The following SUPT3H variants were observed in gnomAD, a reference collection of about 807,000 sequenced individuals.
The protein encoded by SUPT3H is transcription initiation protein SPT3 homolog.
Under a neutral mutation model 44.3 loss-of-function variants are expected in SUPT3H, and 44 were observed. The observed-to-expected ratio is 0.99, with a 90% CI of 0.78 to 1.28. The LOEUF is 1.28. SUPT3H is among the 50% of genes most tolerant of loss of function. The probability of loss-of-function intolerance (pLI) is 0.00; values close to 1 mark genes in which losing one functional copy is unlikely to be tolerated. For synonymous variants in SUPT3H, 124 were observed against 125.6 expected (o/e 0.99, Z 0.09); for missense variants, 380 against 387.1 (o/e 0.98, Z 0.15).
chr6:45,344,942 A>G (rs1184525593), intron 2 of SUPT3H, among the ~76,000 whole-genome samples: 1 of 152,140 alleles, frequency 6.6e-6, no homozygotes, highest in Non-Finnish European at 1.5e-5. Context: ...GCCATGGACT[A>G]TGCTCTGAAG....
chr6:45,114,486 T>C (rs1264882428), intron 2 of SUPT3H, among the ~76,000 whole-genome samples: 4 of 152,022 alleles, frequency 2.6e-5, no homozygotes, highest in Admixed American at 1.3e-4. Flanking sequence ...ATAGAAAAAA[T>C]ATATAAATCA....
intron 2 of SUPT3H, among the ~76,000 whole-genome samples, chr6:45,141,356 A>AG (rs1805164287): frequency 1.3e-5 from 2 of 150,184 alleles, no homozygotes; most frequent in Non-Finnish European, 3.0e-5. Context: ...AAAAAAAAAA[A>AG]AAAAAAAGAA....
chr6:44,975,197 G>A (rs1224798722), intron 6 of SUPT3H, among the ~76,000 whole-genome samples: 1 of 64,228 alleles, frequency 1.6e-5, no homozygotes, highest in Non-Finnish European at 3.5e-5. Context: ...AAACAAAAAA[G>A]ACGACCAGTT....
intron 10 of SUPT3H, among the ~76,000 whole-genome samples, chr6:44,919,420 T>C (rs1312103994): frequency 6.6e-6 from 1 of 151,956 alleles, no homozygotes. Flanking sequence ...TCTGGTCGTA[T>C]ATACAAACCC....
chr6:45,018,267 A>G (rs1784601197), intron 4 of SUPT3H, among the ~76,000 whole-genome samples: 1 of 152,168 alleles, frequency 6.6e-6, no homozygotes, highest in South Asian at 2.1e-4. Context: ...GGGGTTTTCT[A>G]GATATATAAT....
chr6:45,028,915 A>G (rs1404145307), intron 3 of SUPT3H, among the ~76,000 whole-genome samples: 1 of 150,708 alleles, frequency 6.6e-6, no homozygotes, highest in African/African-American at 2.4e-5. Context: ...AAAAAAAAAA[A>G]AAAAAAGAAA....
intron 3 of SUPT3H, among the ~76,000 whole-genome samples, chr6:45,079,514 AAACCTAGAAG>A (rs895928796): frequency 7.2e-5 from 11 of 152,026 alleles, no homozygotes; most frequent in African/African-American, 2.7e-4. Flanking sequence ...GGAAGGAAAA[AAACCTAGAAG>A]AACCATGTTA....
intron 10 of SUPT3H, among the ~76,000 whole-genome samples, chr6:44,866,266 G>A (rs1053560568): frequency 2.6e-5 from 4 of 151,916 alleles, no homozygotes; most frequent in Admixed American, 1.3e-4. Flanking sequence ...TTGAGGGGGA[G>A]GTGGCACATG....
chr6:45,132,912 T>C (rs1803695862), intron 2 of SUPT3H, among the ~76,000 whole-genome samples: 1 of 152,168 alleles, frequency 6.6e-6, no homozygotes, highest in Non-Finnish European at 1.5e-5. Flanking sequence ...AGTCACATGA[T>C]TTATCCAACA....
rs142450512 is a variant in SUPT3H, at chr6:45,129,885, TAAATAG to T, written c.102-23885_102-23880del. On this transcript the variant is annotated intron_variant, in intron 2 of 10. Transcript: ENST00000371459. The stretch of plus-strand genomic sequence containing the variant: ...ACTGCAGGAGAAAAATAAGGAGAAA[TAAATAG>T]AAATGAGTCAAAACACACACAAAAA... 5.4e-3 allele frequency among the ~76,000 whole-genome samples: 824 copies of T among 151,632 alleles called. 9 individuals are homozygous for T. The highest frequency in any genetic ancestry group is 0.019 in the African/African-American group (792 of 41,356).
intron 11 of SUPT3H, among the ~76,000 whole-genome samples, chr6:44,814,833 C>T (rs573699344): frequency 1.4e-4 from 22 of 152,028 alleles, no homozygotes; most frequent in Non-Finnish European, 2.5e-4. Flanking sequence ...TGCGTCACCA[C>T]GCCTGGATAA....
At chr6:45,305,962 C>A (rs1584821747) in intron 2 of SUPT3H, among the ~76,000 whole-genome samples, 1 of 152,360 alleles carries the variant, frequency 6.6e-6, no homozygotes, top group East Asian at 1.9e-4. Context: ...CCCACGTCTA[C>A]CTAGGAGCCT....
At chr6:45,349,478 C>A in intron 2 of SUPT3H, among the ~76,000 whole-genome samples, 1 of 152,170 alleles carries the variant, frequency 6.6e-6, no homozygotes, top group East Asian at 1.9e-4. Context: ...ACATCAACAT[C>A]ACCTGGGAAT....
intron 10 of SUPT3H, among the ~76,000 whole-genome samples, chr6:44,930,935 C>T (rs1770487588): frequency 1.3e-5 from 2 of 152,134 alleles, no homozygotes; most frequent in Non-Finnish European, 2.9e-5. Flanking sequence ...CTAATACTAA[C>T]AGTCTTAGAT....
chr6:44,907,748 A>G (rs1407162526), intron 10 of SUPT3H, among the ~76,000 whole-genome samples: 1 of 152,178 alleles, frequency 6.6e-6, no homozygotes, highest in African/African-American at 2.4e-5. Context: ...TTGTTTTGGA[A>G]GGTGATATTT....
intron 2 of SUPT3H, among the ~76,000 whole-genome samples, chr6:45,178,077 T>A (rs1340258209): frequency 6.6e-6 from 1 of 151,948 alleles, no homozygotes. Flanking sequence ...CAATATTAAC[T>A]TTAAATTTAA....
intron 2 of SUPT3H, among the ~76,000 whole-genome samples, chr6:45,311,303 G>C (rs1356897687): frequency 6.6e-6 from 1 of 152,190 alleles, no homozygotes; most frequent in Non-Finnish European, 1.5e-5. Context: ...AGAATACTCT[G>C]TGGAGAATGC....
chr6:45,228,403 A>T (rs1767322126), intron 2 of SUPT3H, among the ~76,000 whole-genome samples: 2 of 152,182 alleles, frequency 1.3e-5, no homozygotes, highest in African/African-American at 4.8e-5. Flanking sequence ...GCTGCTTTAT[A>T]GCCTTAGAAA....
intron 2 of SUPT3H, among the ~76,000 whole-genome samples, chr6:45,284,797 A>G (rs1476968621): frequency 6.6e-6 from 1 of 152,202 alleles, no homozygotes; most frequent in Non-Finnish European, 1.5e-5. Context: ...ACAAAAAAAG[A>G]GAAGTTTAGA....
Sources: gnomAD v4.1 joint callset for allele counts (sites outside exome capture counted in the v4.1 genomes callset) on GRCh38, gnomAD v4.1.1 for gene constraint, MANE v1.5 for transcripts, NCBI Gene and HGNC (gene_info 2026-07-23, HGNC 2026-07-21) for gene names.